MYO5B: variants seen among roughly 807,000 people sequenced by gnomAD.
MYO5B encodes unconventional myosin-Vb.
A neutral mutation model predicts 229.3 loss-of-function variants in MYO5B; 143 were observed. The ratio of observed to expected loss-of-function variants is 0.62; its 90% CI spans 0.54 to 0.72. MYO5B has a LOEUF of 0.72. Ranked by LOEUF, MYO5B falls within the 30% of genes least tolerant of loss-of-function variation. The pLI, the probability that MYO5B is intolerant of heterozygous loss-of-function variation, is 0.00. For synonymous variants in MYO5B, 918 were observed against 885.2 expected, an observed-to-expected ratio of 1.04 and a Z score of -0.66; for missense variants, 2,321 against 2,331.0, an observed-to-expected ratio of 1.00 and a Z score of 0.09.
intron 13 of MYO5B, among the ~76,000 whole-genome samples, chr18:49,954,022 ATATGTGTGTGTGTGTGTGTG>A (rs1411528066): frequency 3.0e-4 from 39 of 129,900 alleles, no homozygotes; most frequent in South Asian, 1.0e-3. Flanking sequence ...GTATGTATTT[ATATGTGTGTGTGTGTGTGTG>A]TGTGTGTGTG....
chr18:50,076,432 C>T (rs1326185450), intron 1 of MYO5B, among the ~76,000 whole-genome samples: 2 of 152,124 alleles, frequency 1.3e-5, no homozygotes, highest in African/African-American at 2.4e-5. Flanking sequence ...GAAGGAAAGG[C>T]GTGGCAGGAG....
intron 14 of MYO5B, among the ~76,000 whole-genome samples, chr18:49,941,732 C>T (rs1315650329): frequency 6.6e-6 from 1 of 151,568 alleles, no homozygotes; most frequent in Non-Finnish European, 1.5e-5. Flanking sequence ...GAATCAATAT[C>T]GTGAAAATGG....
rs962217471 is a variant in MYO5B at position 50,105,008 on chromosome 18, G to C, written c.28-49630C>G. Among the ~76,000 whole-genome samples the C allele has an allele frequency of 3.3e-5, 5 of 152,096 alleles. No homozygotes were observed. In the East Asian group the frequency reaches 9.7e-4, roughly 29 times the overall value. On this transcript the variant is annotated intron_variant, in intron 1 of 39. Transcript: ENST00000285039. The stretch of plus-strand genomic sequence containing the variant: ...CTCAACCACCGGGAGGACTCCAGAG[G>C]GGGTACACGAGGACATCTAGGAGCA...
chr18:49,919,899 T>C (rs2144177297), intron 17 of MYO5B, among the ~76,000 whole-genome samples: 1 of 152,310 alleles, frequency 6.6e-6, no homozygotes, highest in Non-Finnish European at 1.5e-5. Flanking sequence ...TCCCCAAAAG[T>C]AGAAACAACC....
intron 1 of MYO5B, among the ~76,000 whole-genome samples, chr18:50,146,743 T>C (rs972324414): frequency 1.3e-5 from 2 of 152,238 alleles, no homozygotes; most frequent in Admixed American, 1.3e-4. Flanking sequence ...TTCTTCTCTG[T>C]GAATCAGACT....
At chr18:50,099,768 G>T (rs1162607121) in intron 1 of MYO5B, among the ~76,000 whole-genome samples, 1 of 152,146 alleles carries the variant, frequency 6.6e-6, no homozygotes, top group Non-Finnish European at 1.5e-5. Flanking sequence ...GAAATACACG[G>T]TATCTTGTAC....
intron 4 of MYO5B, among the ~76,000 whole-genome samples, chr18:50,007,476 C>T (rs1366671348): frequency 2.0e-5 from 3 of 152,192 alleles, no homozygotes; most frequent in Non-Finnish European, 4.4e-5. Context: ...TGAAAATGAA[C>T]ATCGGACCAT....
At chr18:49,980,603 A>AAAGGACATTTTACCCCTTTT in intron 8 of MYO5B, 50 bp from the exon 9 acceptor site, 1 of 1,390,166 alleles carries the variant, frequency 7.2e-7, no homozygotes, top group South Asian at 1.2e-5. Context: ...GGTCGGACAG[A>AAAGGACATTTTACCCCTTTT]AAGGACATTT....
intron 1 of MYO5B, among the ~76,000 whole-genome samples, chr18:50,165,086 AAGGGTTG>A (rs1294386072): frequency 2.6e-5 from 4 of 152,254 alleles, no homozygotes; most frequent in Non-Finnish European, 5.9e-5. Flanking sequence ...ACAGAGAATC[AAGGGTTG>A]ACCTGCAGGT....
intron 37 of MYO5B, 26 bp downstream of exon 37, chr18:49,837,491 G>A: frequency 6.2e-7 from 1 of 1,613,318 alleles, no homozygotes; most frequent in Non-Finnish European, 8.5e-7. Flanking sequence ...CTCTATCTGT[G>A]TTGTTGGGGG....
chr18:50,158,496 G>A (rs1312130085), intron 1 of MYO5B, among the ~76,000 whole-genome samples: 1 of 152,098 alleles, frequency 6.6e-6, no homozygotes, highest in Non-Finnish European at 1.5e-5. Flanking sequence ...ATCTTTCCTT[G>A]CGTGGATTCC....
rs1394705108 is a variant in MYO5B at position 49,906,300 on chromosome 18, T to C, written c.2414+119A>G. ...CCGAGGAAAAGCCAAGATGCAGACA[T>C]GGCCCCAACAGGAACCACTCTCAGC... On this transcript the variant is annotated intron_variant, in intron 19 of 39. Coordinates refer to ENST00000285039, the MANE Select transcript of MYO5B (RefSeq NM_001080467.3). 6.1e-6 allele frequency: 6 copies of C among 986,372 alleles called. No individual in the cohort carries two copies. In the Admixed American group the frequency reaches 7.9e-5, roughly 13 times the overall value. 61.1% of individuals were successfully genotyped at this position (986,372 alleles called of 1,614,324 possible). A position where few individuals can be genotyped will look rare whatever the true frequency, so the allele number is the denominator to read the frequency against.
At chr18:50,093,111 C>T (rs536761935) in intron 1 of MYO5B, among the ~76,000 whole-genome samples, 10 of 151,732 alleles carry the variant, frequency 6.6e-5, no homozygotes, top group African/African-American at 2.2e-4. Flanking sequence ...TGAAAAGATG[C>T]TCAACTTCCC....
chr18:50,147,457 G>T (rs988838469), intron 1 of MYO5B, among the ~76,000 whole-genome samples: 3 of 152,112 alleles, frequency 2.0e-5, no homozygotes, highest in African/African-American at 4.8e-5. Flanking sequence ...CCGCCACAGG[G>T]TACATGGATT....
intron 4 of MYO5B, among the ~76,000 whole-genome samples, chr18:50,021,349 C>T (rs2144358560): frequency 6.6e-6 from 1 of 152,244 alleles, no homozygotes; most frequent in South Asian, 2.1e-4. Flanking sequence ...AGCAAGAACC[C>T]TGGAGTAAGA....
At chr18:50,057,653 T>C (rs995165458) in intron 1 of MYO5B, among the ~76,000 whole-genome samples, 2 of 152,006 alleles carry the variant, frequency 1.3e-5, no homozygotes, top group African/African-American at 4.8e-5. Flanking sequence ...TATATAAATC[T>C]CTCCTCTCTA....
intron 1 of MYO5B, among the ~76,000 whole-genome samples, chr18:50,160,762 C>T (rs894197377): frequency 2.0e-5 from 3 of 152,176 alleles, no homozygotes; most frequent in African/African-American, 7.2e-5. Context: ...TAGACACAAT[C>T]CTAGGGCCTA....
chr18:49,870,795 AC>A (rs1346372353), intron 27 of MYO5B, among the ~76,000 whole-genome samples: 6 of 152,344 alleles, frequency 3.9e-5, no homozygotes, highest in East Asian at 3.9e-4. Context: ...AGAAAATACT[AC>A]GTGTTGGCAA....
Position 49,856,781 on chromosome 18 carries a change from A to G in MYO5B, c.4022+32T>C. On this transcript the variant is annotated intron_variant, in intron 30 of 39. Transcript: ENST00000285039. ...AGACATGAGCAGGCCCAACGGACAA[A>G]GCAGACACAGGAAGAAAGGAATATG... 3 of 1,582,692 alleles carry G rather than the reference A, an allele frequency of 1.9e-6. No individual in the cohort carries two copies. In the South Asian group the frequency reaches 3.3e-5, roughly 17 times the overall value.
Sources: gnomAD v4.1 joint callset for allele counts (sites outside exome capture counted in the v4.1 genomes callset) on GRCh38, gnomAD v4.1.1 for gene constraint, MANE v1.5 for transcripts, NCBI Gene and HGNC (gene_info 2026-07-23, HGNC 2026-07-21) for gene names.